PCLO: variants seen among roughly 807,000 people sequenced by gnomAD.
The protein encoded by PCLO is protein piccolo.
Under a neutral mutation model 427.5 loss-of-function variants are expected in PCLO, and 82 were observed. That is an observed-to-expected ratio of 0.19 (90% CI 0.16 to 0.23). PCLO has a LOEUF of 0.23. Ranked by LOEUF, PCLO falls within the 10% of genes least tolerant of loss-of-function variation. The probability of loss-of-function intolerance (pLI) is 1.00; values close to 1 mark genes in which losing one functional copy is unlikely to be tolerated. For synonymous variants in PCLO, 2,357 were observed against 2,155.4 expected (o/e 1.09, Z -2.59); for missense variants, 6,239 against 6,115.9 (o/e 1.02, Z -0.67).
intron 6 of PCLO, among the ~76,000 whole-genome samples, chr7:82,919,380 ATTTAAG>A (rs567268921): frequency 1.5e-4 from 23 of 152,108 alleles, no homozygotes; most frequent in African/African-American, 5.5e-4. Context: ...TGACCTGAGA[ATTTAAG>A]TTCCATCTGT....
At position 82,950,676 on chromosome 7, in the gene PCLO, G is replaced by A. The variant is rs142206194; in HGVS notation, c.9912C>T (p.His3304=). ...GAATCTTTTGCTCCTCCAGCTGCTG[G>A]TGAAGCTGTTGTTGCAGCTGTTGGA... The part of the protein sequence containing the change: ...EQIQQLQQQL[H]QQLEEQKIRQ... Residue 3304 remains histidine (H), a synonymous_variant, in exon 6 of 25, where the codon CAC becomes CAT. Coordinates refer to ENST00000333891, the MANE Select transcript of PCLO (RefSeq NM_033026.6). 77 of 1,613,554 alleles carry A rather than the reference G, an allele frequency of 4.8e-5. No individual in the cohort carries two copies. In the East Asian group the frequency reaches 1.6e-3, roughly 34 times the overall value.
At chr7:82,840,752 T>C (rs187015835) in intron 14 of PCLO, among the ~76,000 whole-genome samples, 4 of 152,066 alleles carry the variant, frequency 2.6e-5, no homozygotes, top group Admixed American at 2.6e-4. Context: ...AGACTCTCTT[T>C]CATCTGAAAC....
intron 10 of PCLO, among the ~76,000 whole-genome samples, chr7:82,858,004 A>T (rs1478269391): frequency 1.3e-5 from 2 of 152,156 alleles, no homozygotes; most frequent in Non-Finnish European, 2.9e-5. Flanking sequence ...CCAAGGCCAG[A>T]CAAGGATGCT....
At chr7:82,800,937 A>G (rs1329062830) in intron 22 of PCLO, among the ~76,000 whole-genome samples, 1 of 151,918 alleles carries the variant, frequency 6.6e-6, no homozygotes, top group Non-Finnish European at 1.5e-5. Context: ...GTCATCGTAA[A>G]GCTTATAGAT....
intron 3 of PCLO, among the ~76,000 whole-genome samples, chr7:83,101,667 C>A (rs1790742996): frequency 6.6e-6 from 1 of 152,130 alleles, no homozygotes; most frequent in Admixed American, 6.6e-5. Flanking sequence ...TTACTTTTGG[C>A]ACAAGAAACT....
chr7:83,074,257 CAG>C (rs1293770689), intron 3 of PCLO, among the ~76,000 whole-genome samples: 1 of 151,734 alleles, frequency 6.6e-6, no homozygotes, highest in Non-Finnish European at 1.5e-5. Flanking sequence ...GAGACAGAAA[CAG>C]AGAGAGACAA....
At chr7:83,013,361 T>C (rs998083578) in intron 3 of PCLO, among the ~76,000 whole-genome samples, 2 of 152,202 alleles carry the variant, frequency 1.3e-5, no homozygotes, top group Non-Finnish European at 2.9e-5. Flanking sequence ...ATGAATTATA[T>C]ATGCCTTCTC....
chr7:83,123,634 T>C (rs1362456620), intron 3 of PCLO, among the ~76,000 whole-genome samples: 1 of 152,060 alleles, frequency 6.6e-6, no homozygotes, highest in Non-Finnish European at 1.5e-5. Flanking sequence ...TGGGATCATA[T>C]CAAGTTAAAA....
intron 12 of PCLO, among the ~76,000 whole-genome samples, chr7:82,846,246 T>C (rs1431252837): frequency 6.6e-6 from 1 of 152,086 alleles, no homozygotes; most frequent in Non-Finnish European, 1.5e-5. Flanking sequence ...CAAAATGAAA[T>C]GGCTCCAAGC....
intron 20 of PCLO, chr7:82,821,975 C>T (rs1300840193): frequency 3.0e-6 from 3 of 985,860 alleles, no homozygotes; most frequent in Non-Finnish European, 1.2e-6. Flanking sequence ...CTTGAAATGG[C>T]TTTTCCTCCA....
rs867546256 is a variant in PCLO, at chr7:82,849,814, C to T, written c.13655-2567G>A. On this transcript the variant is annotated intron_variant, in intron 10 of 24. Coordinates refer to ENST00000333891, the MANE Select transcript of PCLO (RefSeq NM_033026.6). Reference sequence around the variant, plus strand: ...AATATAAGCATTTTTAGTCTCAAAACAGCTTTTCACACTGCGTTTTAGAAA... The same window carrying T: ...AATATAAGCATTTTTAGTCTCAAAATAGCTTTTCACACTGCGTTTTAGAAA... Among the ~76,000 whole-genome samples, 5 of 152,098 alleles carry T rather than the reference C, an allele frequency of 3.3e-5. No homozygotes were observed. The Middle Eastern group carries it at 0.01, about 313-fold the overall frequency.
rs1241399611 is a variant in PCLO, at chr7:83,096,792, TA to T, written c.3300+37457del. On this transcript the variant is annotated intron_variant, in intron 3 of 24. Coordinates refer to ENST00000333891, the MANE Select transcript of PCLO (RefSeq NM_033026.6). Reference sequence around the variant, plus strand: ...ATATATTATATAATATAAATATATATAAAAATATATTAATATTATATAATAT... The same window carrying T: ...ATATATTATATAATATAAATATATATAAAATATATTAATATTATATAATAT... 6.1e-4 allele frequency among the ~76,000 whole-genome samples: 66 copies of T among 107,430 alleles called. 1 individual carries two copies. Among genetic ancestry groups the T allele is most frequent in the African/African-American group, 1.0e-3 (27 of 27,050 alleles). 70.5% of individuals were successfully genotyped at this position (107,430 alleles called of 152,430 possible).
At position 82,822,526 on chromosome 7, in the gene PCLO, T is replaced by C; in HGVS notation, c.14760A>G (p.Glu4920=). The C allele has an allele frequency of 6.2e-7, 1 of 1,613,880 alleles. No homozygotes were observed. Among genetic ancestry groups the C allele is most frequent in the Non-Finnish European group, 8.5e-7 (1 of 1,179,852 alleles). ...GAATGCGGAGTTGTTGCACGGCAGC[T>C]TCGGCAGCAGCTATGGCAGCCCCTG... ...EDAGAAIAAA[E]AAVQQLRIQP... The change falls in exon 20 of 25, where the codon GAA becomes GAG. Residue 4920 remains glutamate, a synonymous_variant. Transcript: ENST00000333891.
intron 3 of PCLO, among the ~76,000 whole-genome samples, chr7:83,031,722 C>G (rs1788670691): frequency 6.6e-6 from 1 of 151,562 alleles, no homozygotes. Context: ...ATCTCTCTCT[C>G]TCTCTCTCTC....
In PCLO at chr7:82,845,337, A is replaced by G. The variant is rs1486920595; in HGVS notation, c.13980T>C (p.Ser4660=). The part of the protein sequence containing the change: ...VHSGPTSAGS[S]SVPSPGQPGS... Reference sequence around the variant, plus strand: ...CTGGTTGCCCAGGGCTGGGAACGGAACTGGATCCTGCTGATGTAGGACCTG... The same window carrying G: ...CTGGTTGCCCAGGGCTGGGAACGGAGCTGGATCCTGCTGATGTAGGACCTG... Residue 4660 remains serine, a synonymous_variant, in exon 13 of 25, where the codon AGT becomes AGC. Transcript: ENST00000333891. 2 of 1,613,536 alleles carry G rather than the reference A, an allele frequency of 1.2e-6. No individual in the cohort carries two copies. The highest frequency in any genetic ancestry group is 2.2e-5 in the South Asian group (2 of 91,076).
At chr7:82,984,465 A>T (rs1303643551) in intron 3 of PCLO, among the ~76,000 whole-genome samples, 1 of 147,882 alleles carries the variant, frequency 6.8e-6, no homozygotes, top group Non-Finnish European at 1.5e-5. Context: ...AAGGCAGAAG[A>T]TTCATTTTAA....
intron 3 of PCLO, among the ~76,000 whole-genome samples, chr7:82,982,593 TATTG>T (rs1796170870): frequency 6.6e-6 from 1 of 150,924 alleles, no homozygotes; most frequent in Admixed American, 6.6e-5. Context: ...TAAAACTTAA[TATTG>T]ATTTTTTTAA....
intron 3 of PCLO, among the ~76,000 whole-genome samples, chr7:83,055,059 T>A (rs1287482949): frequency 6.6e-6 from 1 of 152,082 alleles, no homozygotes; most frequent in African/African-American, 2.4e-5. Flanking sequence ...TCCTGAAGGA[T>A]TTGTAAATTA....
intron 3 of PCLO, among the ~76,000 whole-genome samples, chr7:83,017,597 T>C (rs530030698): frequency 1.3e-5 from 2 of 152,180 alleles, no homozygotes; most frequent in East Asian, 3.9e-4. Context: ...TTTAAATTTA[T>C]TATTTTAGCA....
Sources: gnomAD v4.1 joint callset for allele counts (sites outside exome capture counted in the v4.1 genomes callset) on GRCh38, gnomAD v4.1.1 for gene constraint, MANE v1.5 for transcripts, NCBI Gene and HGNC (gene_info 2026-07-23, HGNC 2026-07-21) for gene names.